Variants in TMEM132C observed in about 807,000 individuals in gnomAD.
TMEM132C encodes transmembrane protein 132C, also known as protein phosphatase 1, regulatory subunit 152.
A neutral mutation model predicts 61.4 loss-of-function variants in TMEM132C; 29 were observed. The ratio of observed to expected loss-of-function variants is 0.47; its 90% CI spans 0.35 to 0.64. TMEM132C has a LOEUF of 0.64. Ranked by LOEUF, TMEM132C falls within the 30% of genes least tolerant of loss-of-function variation. TMEM132C has a pLI of 0.00. For missense variants in TMEM132C, 1,408 were observed against 1,476.9 expected (o/e 0.95, Z 0.76); for synonymous variants, 656 against 633.1 (o/e 1.04, Z -0.54).
At chr12:128,622,777 T>C (rs1953980597) in intron 4 of TMEM132C, among the ~76,000 whole-genome samples, 1 of 152,062 alleles carries the variant, frequency 6.6e-6, no homozygotes, top group Non-Finnish European at 1.5e-5. Context: ...TTGGAGAATA[T>C]TGCTTTTCAA....
In TMEM132C at chr12:128,284,143, C is replaced by T. The variant is rs188609300; in HGVS notation, c.85+16656C>T. On this transcript the variant is annotated intron_variant, in intron 1 of 8. Transcript: ENST00000435159. ...CCATGGGCCCATGTACCACCATGTACTGACCAGCCATTCCTAGGAAAATAA... is the reference window on the plus strand; with the variant it reads ...CCATGGGCCCATGTACCACCATGTATTGACCAGCCATTCCTAGGAAAATAA... 2.4e-4 allele frequency among the ~76,000 whole-genome samples: 36 copies of T among 152,290 alleles called. 1 individual carries two copies. The highest frequency in any genetic ancestry group is 2.2e-3 in the Admixed American group (33 of 15,298).
Position 128,651,265 on chromosome 12 carries a change from G to A in TMEM132C, c.1306-18152G>A, listed in dbSNP as rs117463895. On this transcript the variant is annotated intron_variant, in intron 4 of 8. Transcript: ENST00000435159. ...CTGAGCTATCCATCATTCCTGGATT[G>A]CAGAGTCTCTTCACATCTGCAGTTG... Among the ~76,000 whole-genome samples, 1,154 of 152,272 alleles carry A rather than the reference G, an allele frequency of 7.6e-3. 5 individuals carry two copies. The highest frequency in any genetic ancestry group is 0.012 in the Non-Finnish European group (798 of 68,026).
chr12:128,517,624 G>T (rs1490104986), intron 2 of TMEM132C, among the ~76,000 whole-genome samples: 2 of 152,196 alleles, frequency 1.3e-5, no homozygotes, highest in Non-Finnish European at 2.9e-5. Context: ...TAGGTGGTAG[G>T]TCTATGGGTG....
intron 2 of TMEM132C, among the ~76,000 whole-genome samples, chr12:128,427,458 G>T (rs879803552): frequency 6.7e-6 from 1 of 149,598 alleles, no homozygotes; most frequent in Non-Finnish European, 1.5e-5. Context: ...TGGTGGCCTG[G>T]AAGTGGGGAC....
intron 2 of TMEM132C, among the ~76,000 whole-genome samples, chr12:128,494,537 T>C (rs954154033): frequency 6.6e-6 from 1 of 152,190 alleles, no homozygotes; most frequent in African/African-American, 2.4e-5. Flanking sequence ...CTGTTATTGG[T>C]CTATTCAGGG....
intron 1 of TMEM132C, among the ~76,000 whole-genome samples, chr12:128,321,135 G>GAAA (rs150141594): frequency 0.18 from 22,531 of 127,810 alleles, 2,053 homozygotes; most frequent in East Asian, 0.22. Context: ...TGCCATTTTT[G>GAAA]AAAAATAATA....
chr12:128,663,789 C>T (rs1954419645), intron 4 of TMEM132C, among the ~76,000 whole-genome samples: 2 of 152,292 alleles, frequency 1.3e-5, no homozygotes, highest in African/African-American at 2.4e-5. Flanking sequence ...CATGCACACA[C>T]AGGCACTCAC....
intron 2 of TMEM132C, among the ~76,000 whole-genome samples, chr12:128,426,308 C>T (rs867856445): frequency 6.6e-6 from 1 of 152,176 alleles, no homozygotes; most frequent in Non-Finnish European, 1.5e-5. Flanking sequence ...ATATGAGAAA[C>T]CCTCGAAGGC....
intron 1 of TMEM132C, among the ~76,000 whole-genome samples, chr12:128,344,318 C>T (rs151151309): frequency 3.4e-4 from 51 of 152,186 alleles, no homozygotes; most frequent in African/African-American, 1.1e-3. Flanking sequence ...CCACCACATC[C>T]GGCTAATTTT....
At chr12:128,451,332 G>T (rs1339239109) in intron 2 of TMEM132C, among the ~76,000 whole-genome samples, 1 of 152,264 alleles carries the variant, frequency 6.6e-6, no homozygotes, top group East Asian at 1.9e-4. Context: ...TCAAGAGAAA[G>T]AAAAGACACA....
intron 8 of TMEM132C, among the ~76,000 whole-genome samples, chr12:128,703,275 A>G (rs190287156): frequency 9.2e-5 from 14 of 151,934 alleles, no homozygotes; most frequent in African/African-American, 3.4e-4. Context: ...ATTAGTTATT[A>G]TTCTTGATCC....
At chr12:128,522,404 T>C (rs7295867) in intron 2 of TMEM132C, among the ~76,000 whole-genome samples, 148,487 of 152,342 alleles carry the variant, frequency 0.97, 72,451 homozygotes, top group East Asian at 1. Flanking sequence ...CCCGGCACTC[T>C]GCCTTCTCTG....
intron 1 of TMEM132C, among the ~76,000 whole-genome samples, chr12:128,291,079 C>T (rs1454257867): frequency 2.0e-5 from 3 of 152,162 alleles, no homozygotes; most frequent in African/African-American, 7.2e-5. Context: ...GGTCCTGCAG[C>T]TCTTAGGCCT....
At chr12:128,367,742 TAA>T (rs78658428) in intron 1 of TMEM132C, among the ~76,000 whole-genome samples, 1 of 146,186 alleles carries the variant, frequency 6.8e-6, no homozygotes, top group African/African-American at 2.5e-5. Context: ...TGAAAAAAAG[TAA>T]AAAAAAAAAA....
chr12:128,410,285 T>C (rs1290613362), intron 1 of TMEM132C, among the ~76,000 whole-genome samples: 1 of 152,174 alleles, frequency 6.6e-6, no homozygotes. Context: ...ATGTTTCCTT[T>C]CACCTGAGTT....
intron 1 of TMEM132C, among the ~76,000 whole-genome samples, chr12:128,402,533 C>A (rs1838880857): frequency 6.6e-6 from 1 of 152,172 alleles, no homozygotes; most frequent in African/African-American, 2.4e-5. Flanking sequence ...TGTAGTAATT[C>A]GTTCCAGCAG....
At chr12:128,340,225 T>A (rs1872912323) in intron 1 of TMEM132C, among the ~76,000 whole-genome samples, 1 of 152,116 alleles carries the variant, frequency 6.6e-6, no homozygotes, top group Non-Finnish European at 1.5e-5. Flanking sequence ...TGAAAATGAG[T>A]AGTGTTCACA....
intron 2 of TMEM132C, among the ~76,000 whole-genome samples, chr12:128,450,694 A>G (rs554746933): frequency 2.6e-5 from 4 of 152,340 alleles, no homozygotes; most frequent in Non-Finnish European, 5.9e-5. Context: ...AGTTTGGTTG[A>G]ATTCGGTATA....
intron 1 of TMEM132C, among the ~76,000 whole-genome samples, chr12:128,301,030 G>A (rs900531789): frequency 2.6e-5 from 4 of 152,158 alleles, no homozygotes; most frequent in Non-Finnish European, 5.9e-5. Flanking sequence ...GACAGAGCAA[G>A]CCCCTGTCTC....
Sources: allele counts gnomAD v4.1 joint callset (sites outside exome capture counted in the v4.1 genomes callset), GRCh38; gene constraint gnomAD v4.1.1; transcripts MANE v1.5; gene names NCBI Gene and HGNC (gene_info 2026-07-23, HGNC 2026-07-21).